Variants in SGCD observed in about 807,000 individuals in gnomAD.
SGCD encodes delta-sarcoglycan.
In SGCD, 18 loss-of-function variants were observed where a neutral mutation model predicts 36.6. The observed-to-expected ratio is 0.49, with a 90% CI of 0.34 to 0.73. SGCD has a LOEUF of 0.73. Among genes scored for constraint, SGCD ranks in the 30% least tolerant of loss-of-function variants. The pLI, the probability that SGCD is intolerant of heterozygous loss-of-function variation, is 0.01. For missense variants in SGCD, 387 were observed against 346.7 expected, an observed-to-expected ratio of 1.12 and a Z score of -0.92; for synonymous variants, 133 against 130.6, an observed-to-expected ratio of 1.02 and a Z score of -0.12.
At chr5:156,328,781 G>T (rs1767930398) in intron 1 of SGCD, among the ~76,000 whole-genome samples, 1 of 151,840 alleles carries the variant, frequency 6.6e-6, no homozygotes. Flanking sequence ...GAGGGTTTGG[G>T]GACTGCAGGG....
intron 7 of SGCD, among the ~76,000 whole-genome samples, chr5:156,748,256 G>A (rs1008239757): frequency 1.3e-5 from 2 of 152,122 alleles, no homozygotes; most frequent in African/African-American, 4.8e-5. Context: ...GTAACTTTCT[G>A]GGGTACTGGT....
intron 7 of SGCD, among the ~76,000 whole-genome samples, chr5:156,728,611 C>T (rs1393449068): frequency 4.0e-5 from 6 of 151,420 alleles, no homozygotes; most frequent in Non-Finnish European, 7.4e-5. Context: ...CCCACCACCA[C>T]CCCAAGATAA....
At chr5:156,005,532 G>A (rs185560217) in intron 1 of SGCD, among the ~76,000 whole-genome samples, 1,880 of 152,068 alleles carry the variant, frequency 0.012, 163 homozygotes, top group Admixed American at 0.11. Flanking sequence ...CTCACTGCAA[G>A]CTCCACCTCC....
chr5:155,736,050 G>C, the SGCD span, among the ~76,000 whole-genome samples: 1 of 152,076 alleles, frequency 6.6e-6, no homozygotes, highest in African/African-American at 2.4e-5. Flanking sequence ...CTACCCCTGG[G>C]ATGCTTTGGA....
chr5:156,316,568 G>A (rs959981830), intron 3 of SGCD, among the ~76,000 whole-genome samples: 4 of 151,990 alleles, frequency 2.6e-5, no homozygotes, highest in Non-Finnish European at 5.9e-5. Context: ...TAAAGATATT[G>A]TAATCAAAAC....
chr5:156,670,192 A>C (rs1753230021), intron 7 of SGCD, among the ~76,000 whole-genome samples: 1 of 152,214 alleles, frequency 6.6e-6, no homozygotes, highest in Non-Finnish European at 1.5e-5. Context: ...GAGAGGGTAT[A>C]AAATTGTGCT....
intron 1 of SGCD, among the ~76,000 whole-genome samples, chr5:155,889,444 T>C (rs1427046395): frequency 3.3e-5 from 5 of 151,830 alleles, no homozygotes; most frequent in African/African-American, 1.2e-4. Context: ...AGAGGCAGAG[T>C]TTTTTGAGTT....
intron 1 of SGCD, among the ~76,000 whole-genome samples, chr5:156,117,250 T>A: frequency 6.6e-6 from 1 of 152,028 alleles, no homozygotes; most frequent in Non-Finnish European, 1.5e-5. Context: ...ATATTACTAT[T>A]TTTTTCATCC....
intron 4 of SGCD, among the ~76,000 whole-genome samples, chr5:156,576,685 G>A (rs1274235704): frequency 1.3e-5 from 2 of 152,160 alleles, no homozygotes; most frequent in African/African-American, 4.8e-5. Flanking sequence ...GTGATGATAA[G>A]CATTTTTTCA....
Position 156,424,069 on chromosome 5 carries a change from G to A in SGCD, c.192+79392G>A, listed in dbSNP as rs533063073. On this transcript the variant is annotated intron_variant, in intron 3 of 8. Coordinates refer to ENST00000337851, the MANE Select transcript of SGCD (RefSeq NM_000337.6). The stretch of plus-strand genomic sequence containing the variant: ...ACAGGGCTCTAATCTTATTTTAAAA[G>A]TAAAATACTTTCTTTCATTTCCATA... Among the ~76,000 whole-genome samples, 76 of 151,904 alleles carry A rather than the reference G, an allele frequency of 5.0e-4. 1 individual carries two copies. The highest frequency in any genetic ancestry group is 9.3e-4 in the Non-Finnish European group (63 of 67,946).
intron 3 of SGCD, among the ~76,000 whole-genome samples, chr5:156,399,907 C>T (rs1772054019): frequency 2.6e-5 from 4 of 152,110 alleles, no homozygotes; most frequent in Admixed American, 2.6e-4. Context: ...TATTGACAAT[C>T]ATGTGATGAA....
chr5:156,431,994 G>A (rs1386025223), intron 3 of SGCD, among the ~76,000 whole-genome samples: 3 of 152,156 alleles, frequency 2.0e-5, no homozygotes, highest in Non-Finnish European at 4.4e-5. Context: ...GGAATTACAG[G>A]CGTGAGCCAC....
At chr5:155,791,076 A>G in the SGCD span, among the ~76,000 whole-genome samples, 367 of 152,284 alleles carry the variant, frequency 2.4e-3, 1 homozygote, top group African/African-American at 8.5e-3. Flanking sequence ...AAATATGTCA[A>G]AGAGGCTTTG....
intron 1 of SGCD, among the ~76,000 whole-genome samples, chr5:155,923,837 G>A (rs574046453): frequency 2.0e-5 from 3 of 152,188 alleles, no homozygotes; most frequent in South Asian, 2.1e-4. Context: ...TTTTTTTCAC[G>A]TATCACCATA....
chr5:156,638,081 G>A (rs936410788), intron 6 of SGCD, among the ~76,000 whole-genome samples: 47 of 150,992 alleles, frequency 3.1e-4, no homozygotes, highest in African/African-American at 1.0e-3. Flanking sequence ...CAGGAACAGC[G>A]TGTTCTACTT....
chr5:156,107,801 C>T (rs889863642), intron 1 of SGCD, among the ~76,000 whole-genome samples: 2 of 152,124 alleles, frequency 1.3e-5, no homozygotes, highest in Non-Finnish European at 2.9e-5. Flanking sequence ...AACTTACTCT[C>T]CATGGAAACA....
chr5:156,307,043 T>C (rs80179125), intron 3 of SGCD, among the ~76,000 whole-genome samples: 1 of 26,320 alleles, frequency 3.8e-5, no homozygotes, highest in Non-Finnish European at 7.1e-5. Flanking sequence ...TAAGTTTTCT[T>C]TTTTTTTTTT....
chr5:155,823,486 C>T, the SGCD span, among the ~76,000 whole-genome samples: 1 of 152,016 alleles, frequency 6.6e-6, no homozygotes, highest in Non-Finnish European at 1.5e-5. Flanking sequence ...AAACACACCC[C>T]CAGAAGTAAC....
At chr5:156,314,673 T>G (rs1438540977) in intron 3 of SGCD, among the ~76,000 whole-genome samples, 1 of 151,886 alleles carries the variant, frequency 6.6e-6, no homozygotes, top group Non-Finnish European at 1.5e-5. Context: ...CAATAAATAA[T>G]GGCAAGTAGT....
Sources: allele counts gnomAD v4.1 joint callset (sites outside exome capture counted in the v4.1 genomes callset), GRCh38; gene constraint gnomAD v4.1.1; transcripts MANE v1.5; gene names NCBI Gene and HGNC (gene_info 2026-07-23, HGNC 2026-07-21).